Variants in MAGED1 observed in about 807,000 individuals in gnomAD.
MAGED1 encodes melanoma-associated antigen D1.
Under a neutral mutation model 54.1 loss-of-function variants are expected in MAGED1, and 3 were observed. The observed-to-expected ratio is 0.06, with a 90% CI of 0.03 to 0.14. MAGED1 has a LOEUF of 0.14. Ranked by LOEUF, MAGED1 falls within the 10% of genes least tolerant of loss-of-function variation. The pLI is 1.00. For missense variants in MAGED1, 485 were observed against 623.4 expected (o/e 0.78, Z 2.36); for synonymous variants, 217 against 227.3 (o/e 0.95, Z 0.41).
intron 1 of MAGED1, among the ~76,000 whole-genome samples, chrX:51,810,897 T>G (rs1925194835): frequency 8.9e-6 from 1 of 111,875 alleles, no homozygotes; most frequent in African/African-American, 3.2e-5. Context: ...TTTTTCAGTT[T>G]TCAGAAGATT....
chrX:51,886,386 C>T (rs1557362812), intron 1 of MAGED1, among the ~76,000 whole-genome samples: 1 of 110,997 alleles, frequency 9.0e-6, no homozygotes, highest in African/African-American at 3.3e-5. Flanking sequence ...GATCATTATA[C>T]ATCATATACA....
chrX:51,869,172 G>A (rs1276242247), intron 1 of MAGED1, among the ~76,000 whole-genome samples: 1 of 111,380 alleles, frequency 9.0e-6, no homozygotes, highest in African/African-American at 3.3e-5. Flanking sequence ...GATAGTGGGT[G>A]TGGCTAGACA....
At chrX:51,805,717 C>A (rs1557354999) in intron 1 of MAGED1, among the ~76,000 whole-genome samples, 1 of 108,665 alleles carries the variant, frequency 9.2e-6, no homozygotes, top group African/African-American at 3.3e-5. Context: ...GACCTAGATT[C>A]AACAACTGTT....
At chrX:51,806,824 G>A (rs868918229) in intron 1 of MAGED1, among the ~76,000 whole-genome samples, 1 of 107,415 alleles carries the variant, frequency 9.3e-6, no homozygotes, top group African/African-American at 3.4e-5. Flanking sequence ...GTCTTGCTCT[G>A]TCGCCCAGGT....
At position 51,824,738 on chromosome X, in the gene MAGED1, A is replaced by C. The variant is rs201059073; in HGVS notation, c.-37+21621A>C. ...TGTGTGTGTGTGTGTGTGTGTCTGT[A>C]TATATATATATACACATACATATAT... On this transcript the variant is annotated intron_variant, in intron 1 of 12. Transcript: ENST00000375772. Among the ~76,000 whole-genome samples, 6 of 67,992 alleles carry C rather than the reference A, an allele frequency of 8.8e-5. No homozygotes were observed. In the South Asian group the frequency reaches 4.3e-3, roughly 49 times the overall value. The allele number at this position is 67,992 out of a possible 115,157, so 59.0% of individuals were successfully genotyped here. A position where few individuals can be genotyped will look rare whatever the true frequency, so the allele number is the denominator to read the frequency against.
upstream of MAGED1, among the ~76,000 whole-genome samples, chrX:51,892,721 T>TG (rs1928490394): frequency 9.0e-6 from 1 of 111,368 alleles, no homozygotes; most frequent in African/African-American, 3.3e-5. Context: ...GTTGCTCAAA[T>TG]GGAGGAGGGA....
chrX:51,886,370 T>A (rs1367290823), intron 1 of MAGED1, among the ~76,000 whole-genome samples: 4 of 111,360 alleles, frequency 3.6e-5, no homozygotes, highest in African/African-American at 1.3e-4. Context: ...GATCATACCC[T>A]GATGAGATCA....
At chrX:51,825,428 G>C (rs1203122838) in intron 1 of MAGED1, among the ~76,000 whole-genome samples, 1 of 112,250 alleles carries the variant, frequency 8.9e-6, no homozygotes, top group Non-Finnish European at 1.9e-5. Context: ...TAGAATACTT[G>C]TTCAAATGAG....
chrX:51,841,122 C>T (rs2146970661), intron 1 of MAGED1, among the ~76,000 whole-genome samples: 1 of 104,674 alleles, frequency 9.6e-6, no homozygotes, highest in African/African-American at 3.5e-5. Flanking sequence ...TTAATGATCG[C>T]CATTCTAACT....
chrX:51,856,420 G>T (rs1381011825), intron 1 of MAGED1, among the ~76,000 whole-genome samples: 2 of 112,240 alleles, frequency 1.8e-5, no homozygotes, highest in East Asian at 5.6e-4. Context: ...TAAGCTGCTG[G>T]TGGGAATGAG....
chrX:51,843,669 A>G (rs1184884588), intron 1 of MAGED1, among the ~76,000 whole-genome samples: 1 of 111,809 alleles, frequency 8.9e-6, no homozygotes, highest in Non-Finnish European at 1.9e-5. Context: ...TTTAGCTACT[A>G]AGTTTTTGGT....
At chrX:51,901,285 G>T (rs1400130700) in intron 11 of MAGED1, among the ~76,000 whole-genome samples, 1 of 112,007 alleles carries the variant, frequency 8.9e-6, no homozygotes, top group Non-Finnish European at 1.9e-5. Flanking sequence ...CTATGAGTTA[G>T]ACGTTTTTAG....
At chrX:51,804,245 C>G (rs1924955100) in intron 1 of MAGED1, among the ~76,000 whole-genome samples, 1 of 111,721 alleles carries the variant, frequency 9.0e-6, no homozygotes, top group Non-Finnish European at 1.9e-5. Flanking sequence ...TTTCCAGGCT[C>G]TATCAGGATC....
intron 6 of MAGED1, 58 bp from the exon 7 acceptor site, chrX:51,897,737 C>T: frequency 1.0e-5 from 11 of 1,061,883 alleles, no homozygotes. Context: ...GAGTGTCTGC[C>T]TATGGGTAGC....
chrX:51,850,487 C>G (rs1419615745), intron 1 of MAGED1, among the ~76,000 whole-genome samples: 1 of 111,845 alleles, frequency 8.9e-6, no homozygotes, highest in Non-Finnish European at 1.9e-5. Context: ...GATACGGGTA[C>G]AGAGAGAAAA....
chrX:51,846,552 A>G (rs1557359283), intron 1 of MAGED1, among the ~76,000 whole-genome samples: 2 of 111,834 alleles, frequency 1.8e-5, no homozygotes, highest in Non-Finnish European at 3.8e-5. Context: ...TCGCACTGGT[A>G]TAGAGAAATG....
At chrX:51,888,438 A>G (rs782421433) in intron 1 of MAGED1, among the ~76,000 whole-genome samples, 1 of 112,269 alleles carries the variant, frequency 8.9e-6, no homozygotes, top group African/African-American at 3.2e-5. Context: ...ATATTACTAC[A>G]CACCTATGGC....
chrX:51,868,000 A>C (rs1557361217), intron 1 of MAGED1, among the ~76,000 whole-genome samples: 1 of 112,470 alleles, frequency 8.9e-6, no homozygotes, highest in Non-Finnish European at 1.9e-5. Flanking sequence ...TCAATTACAG[A>C]ATATCATGTT....
chrX:51,897,700 G>A (rs1190461589), intron 6 of MAGED1, 74 bp downstream of exon 6: 22 of 1,065,720 alleles, frequency 2.1e-5, no homozygotes, highest in Non-Finnish European at 2.9e-5. Context: ...GTTCCTACTG[G>A]GAGTTTAGGG....
Sources: allele counts gnomAD v4.1 joint callset (sites outside exome capture counted in the v4.1 genomes callset), GRCh38; gene constraint gnomAD v4.1.1; transcripts MANE v1.5; gene names NCBI Gene and HGNC (gene_info 2026-07-23, HGNC 2026-07-21).